The following TMCO6 variants were observed in gnomAD, a reference collection of about 807,000 sequenced individuals.
The protein encoded by TMCO6 is transmembrane and coiled-coil domain-containing protein 6.
In TMCO6, 47 loss-of-function variants were observed where a neutral mutation model predicts 61.8. The observed-to-expected ratio is 0.76, with a 90% CI of 0.60 to 0.97. TMCO6 has a LOEUF of 0.97. Ranked by LOEUF, TMCO6 falls within the 50% of genes least tolerant of loss-of-function variation. The pLI, the probability that TMCO6 is intolerant of heterozygous loss-of-function variation, is 0.00. For missense variants in TMCO6, 557 were observed against 601.6 expected, an observed-to-expected ratio of 0.93 and a Z score of 0.78; for synonymous variants, 261 against 254.2, an observed-to-expected ratio of 1.03 and a Z score of -0.25.
At position 140,639,472 on chromosome 5, in the gene TMCO6, G is replaced by C; in HGVS notation, c.-56G>C. On this transcript the variant is annotated 5_prime_UTR_variant, in exon 1 of 12. Transcript: ENST00000394671. ...CTGCGCAGTCGGTGCCATCTTCTAC[G>C]CCCCTGGGAGCGTTGTGGCTGCTGT... 8 of 1,516,614 alleles carry C rather than the reference G, an allele frequency of 5.3e-6. No individual in the cohort carries two copies. The South Asian group carries it at 9.7e-5, about 18-fold the overall frequency. The allele number at this position is 1,516,614 out of a possible 1,614,324, so 93.9% of individuals were successfully genotyped here.
the TMCO6 span, among the ~76,000 whole-genome samples, chr5:140,598,004 A>C: frequency 5.2e-3 from 785 of 152,284 alleles, 4 homozygotes; most frequent in African/African-American, 0.016. Context: ...GGCAAGAATC[A>C]TATAGTCATA....
the TMCO6 span, among the ~76,000 whole-genome samples, chr5:140,610,100 G>A: frequency 6.8e-6 from 1 of 147,226 alleles, no homozygotes; most frequent in Non-Finnish European, 1.5e-5. Flanking sequence ...CAGAATCCTA[G>A]CACTTTGGGA....
At chr5:140,639,316 A>C, upstream of TMCO6, 1 of 568,974 alleles carries the variant, frequency 1.8e-6, no homozygotes. Context: ...GCTCTGGTCT[A>C]GTGGTGCAGC....
upstream of TMCO6, among the ~76,000 whole-genome samples, chr5:140,637,573 C>G (rs1313512680): frequency 6.6e-6 from 1 of 152,160 alleles, no homozygotes; most frequent in Non-Finnish European, 1.5e-5. Flanking sequence ...ACCCGAGTGA[C>G]CGTTTCAGGC....
chr5:140,610,792 T>C, the TMCO6 span, among the ~76,000 whole-genome samples: 3 of 152,212 alleles, frequency 2.0e-5, no homozygotes, highest in African/African-American at 7.2e-5. Context: ...TACATCCTTG[T>C]TTTGTTGCTG....
upstream of TMCO6, among the ~76,000 whole-genome samples, chr5:140,635,704 G>A (rs1756756539): frequency 6.6e-6 from 1 of 152,198 alleles, no homozygotes; most frequent in Non-Finnish European, 1.5e-5. Flanking sequence ...CATGAACCCA[G>A]AACTTCCGTC....
the TMCO6 span, among the ~76,000 whole-genome samples, chr5:140,605,058 C>T: frequency 6.5e-3 from 988 of 152,258 alleles, 3 homozygotes; most frequent in Non-Finnish European, 0.011. Context: ...GTTTTAACCT[C>T]TTTGGTAATT....
the TMCO6 span, among the ~76,000 whole-genome samples, chr5:140,602,705 G>A: frequency 0.014 from 2,071 of 151,860 alleles, 17 homozygotes; most frequent in Middle Eastern, 0.031. Context: ...TGGAGGTTAC[G>A]GTGAGCCAAC....
At chr5:140,600,126 T>A in the TMCO6 span, among the ~76,000 whole-genome samples, 24 of 152,176 alleles carry the variant, frequency 1.6e-4, no homozygotes, top group Non-Finnish European at 2.6e-4. Context: ...TTCTCCAACA[T>A]CATCCAAAAT....
the TMCO6 span, among the ~76,000 whole-genome samples, chr5:140,599,456 T>C: frequency 1.3e-5 from 2 of 152,174 alleles, no homozygotes; most frequent in East Asian, 1.9e-4. Context: ...AACCCAAATG[T>C]AGTGGCAAAC....
Position 140,643,424 on chromosome 5 carries a change from TGAC to T in TMCO6, c.807-139_807-137del, listed in dbSNP as rs1174677828. ...GTTGGCCAGGCTGGTCTCAAACTCCTGACCTCAGGTGATCCACCCACCTCAGCC... is the reference window on the plus strand; with the variant it reads ...GTTGGCCAGGCTGGTCTCAAACTCCTCTCAGGTGATCCACCCACCTCAGCC... On this transcript the variant is annotated intron_variant, in intron 7 of 11. Coordinates refer to ENST00000394671, the MANE Select transcript of TMCO6 (RefSeq NM_018502.5). 7.5e-6 allele frequency: 6 copies of T among 795,908 alleles called. No homozygotes were observed. The East Asian group carries it at 1.0e-4, about 13-fold the overall frequency. The allele number at this position is 795,908 out of a possible 1,614,324, so 49.3% of individuals were successfully genotyped here. A position where few individuals can be genotyped will look rare whatever the true frequency, so the allele number is the denominator to read the frequency against.
chr5:140,622,138 C>T, the TMCO6 span, among the ~76,000 whole-genome samples: 1 of 152,148 alleles, frequency 6.6e-6, no homozygotes, highest in Non-Finnish European at 1.5e-5. Context: ...TAAAAACTTG[C>T]TGGTTTTTGC....
chr5:140,643,245 G>A (rs1349607051), intron 7 of TMCO6: 1 of 723,098 alleles, frequency 1.4e-6, no homozygotes, highest in Non-Finnish European at 2.2e-6. Context: ...CAGGCTGGAT[G>A]GAGTACAGTG....
chr5:140,617,391 G>A, the TMCO6 span, among the ~76,000 whole-genome samples: 1 of 152,090 alleles, frequency 6.6e-6, no homozygotes, highest in African/African-American at 2.4e-5. Flanking sequence ...GCAGAACCCC[G>A]TCTGTACTAA....
chr5:140,613,386 T>TGAAAAAAAA, the TMCO6 span, among the ~76,000 whole-genome samples: 1 of 87,436 alleles, frequency 1.1e-5, no homozygotes, highest in African/African-American at 5.2e-5. Flanking sequence ...AGACTCTGAC[T>TGAAAAAAAA]AAAAAAAAAA....
At chr5:140,644,815 T>C (rs1164887964) in intron 11 of TMCO6, 75 bp downstream of exon 11, 39 of 1,577,554 alleles carry the variant, frequency 2.5e-5, no homozygotes, top group Non-Finnish European at 3.4e-5. Context: ...CATCCAGTCC[T>C]AACTATAGTT....
chr5:140,642,615 CG>C lies in TMCO6; in HGVS notation c.635del (p.Gly212AspfsTer104), dbSNP rs1561950777. On this transcript the variant is annotated frameshift_variant, in exon 6 of 12. Coordinates refer to ENST00000394671, the MANE Select transcript of TMCO6 (RefSeq NM_018502.5). LOFTEE classifies it high-confidence loss of function. The part of the protein sequence containing the change: ...SPHVAVLEAL[G>X]YALSQLLQAE... The stretch of plus-strand genomic sequence containing the variant: ...CCCATGTGGCTGTGCTGGAAGCTCT[CG>C]GATATGCCTTGTCCCAGCTTCTACA... 6.2e-7 allele frequency: 1 copy of C among 1,614,238 alleles called. No individual in the cohort carries two copies. The highest frequency in any genetic ancestry group is 8.5e-7 in the Non-Finnish European group (1 of 1,180,046).
At chr5:140,630,393 T>C in the TMCO6 span, among the ~76,000 whole-genome samples, 7 of 152,120 alleles carry the variant, frequency 4.6e-5, no homozygotes, top group African/African-American at 1.4e-4. Flanking sequence ...TAAAATACCA[T>C]AGACTGGTGG....
At chr5:140,632,692 C>T in the TMCO6 span, 1 of 1,613,818 alleles carries the variant, frequency 6.2e-7, no homozygotes, top group South Asian at 1.1e-5. This position sits in a 1 kb window ranked among gnomAD's most constrained non-coding sequence, Gnocchi z 6.2. Flanking sequence ...ACCTGTGCGG[C>T]TCCCACTGTG....
Sources: allele counts gnomAD v4.1 joint callset (sites outside exome capture counted in the v4.1 genomes callset), GRCh38; gene constraint gnomAD v4.1.1; non-coding constraint Gnocchi (gnomAD v3.1); transcripts MANE v1.5; gene names NCBI Gene and HGNC (gene_info 2026-07-23, HGNC 2026-07-21).